The following SFI1 variants were observed in gnomAD, a reference collection of about 807,000 sequenced individuals.
The protein encoded by SFI1 is protein SFI1 homolog.
SFI1 carries 195 observed loss-of-function variants against 207.5 expected under a neutral mutation model. That is an observed-to-expected ratio of 0.94 (90% confidence interval 0.84 to 1.06). The LOEUF is 1.06. SFI1 is among the 50% of genes least tolerant of loss of function. The pLI, the probability that SFI1 is intolerant of heterozygous loss-of-function variation, is 0.00. For synonymous variants in SFI1, 630 were observed against 598.9 expected, an observed-to-expected ratio of 1.05 and a Z score of -0.76; for missense variants, 1,634 against 1,588.0, an observed-to-expected ratio of 1.03 and a Z score of -0.49.
rs973252404 is a variant in SFI1, at chr22:31,565,447, A to G, written c.765+4055A>G. The stretch of plus-strand genomic sequence containing the variant: ...TCACGGTGGCCTACACCTGAATACT[A>G]GGACTTTGGGAGGCCAAAATAAGAG... On this transcript the variant is annotated intron_variant, in intron 8 of 32. Coordinates refer to ENST00000400288, the MANE Select transcript of SFI1 (RefSeq NM_001007467.3). Among the ~76,000 whole-genome samples the G allele has an allele frequency of 6.6e-5, 10 of 151,490 alleles. No individual in the cohort carries two copies. In the East Asian group the frequency reaches 1.2e-3, roughly 18 times the overall value.
In SFI1 at chr22:31,604,328, C is replaced by CGGAG. The variant is rs1429242392; in HGVS notation, c.1902_1905dup (p.Arg636GlyfsTer67). On this transcript the variant is annotated frameshift_variant, in exon 19 of 33. Coordinates refer to ENST00000400288, the MANE Select transcript of SFI1 (RefSeq NM_001007467.3). LOFTEE classifies it high-confidence loss of function. ...CTGCAGTGCCTGGCCCTGCGGGGAG[C>CGGAG]GGAGCGGCAGAAGCTGATGCGAGCA... is the stretch of plus-strand genomic sequence containing the variant. The CGGAG allele has an allele frequency of 1.0e-5, 16 of 1,578,660 alleles. No homozygotes were observed. The highest frequency in any genetic ancestry group is 1.7e-4 in the Middle Eastern group (1 of 5,880).
intron 1 of SFI1, among the ~76,000 whole-genome samples, chr22:31,499,374 T>C (rs2053326918): frequency 6.6e-6 from 1 of 151,864 alleles, no homozygotes; most frequent in African/African-American, 2.4e-5. Flanking sequence ...TTTTGTATTT[T>C]TAGTAGAGAC....
intron 29 of SFI1, 182 bp downstream of exon 29, chr22:31,615,461 C>T (rs1194931782): frequency 4.2e-6 from 2 of 474,004 alleles, no homozygotes; most frequent in East Asian, 3.3e-5. Flanking sequence ...AGTGAACAGC[C>T]AGCCAAGGGC....
chr22:31,548,001 T>C (rs1602500856), intron 5 of SFI1, among the ~76,000 whole-genome samples: 1 of 150,372 alleles, frequency 6.7e-6, no homozygotes, highest in East Asian at 2.0e-4. Context: ...GATCACGAGG[T>C]CAGGAGATCG....
At chr22:31,512,126 C>T (rs1035652354) in intron 2 of SFI1, among the ~76,000 whole-genome samples, 5 of 152,028 alleles carry the variant, frequency 3.3e-5, no homozygotes, top group Non-Finnish European at 5.9e-5. Context: ...GAGGCCGAGG[C>T]GGGCAGATCA....
In SFI1 at chr22:31,575,301, G is replaced by A. The variant is rs769476632; in HGVS notation, c.993G>A (p.Glu331=). 5.6e-6 allele frequency: 9 copies of A among 1,613,272 alleles called. No individual in the cohort carries two copies. In the South Asian group the frequency reaches 7.7e-5, roughly 14 times the overall value. The change falls in exon 10 of 33, where the codon GAG becomes GAA. Residue 331 remains glutamate, a synonymous_variant. Coordinates refer to ENST00000400288, the MANE Select transcript of SFI1 (RefSeq NM_001007467.3). ...IYFCDWQQAW[E]RRESLYAHHA... ...TCTGTGACTGGCAGCAGGCCTGGGAGCGGAGGGAGAGCTTGTACGCTCACC... is the reference window on the plus strand; with the variant it reads ...TCTGTGACTGGCAGCAGGCCTGGGAACGGAGGGAGAGCTTGTACGCTCACC...
chr22:31,599,712 G>A (rs966041673), intron 15 of SFI1, among the ~76,000 whole-genome samples: 1 of 152,038 alleles, frequency 6.6e-6, no homozygotes, highest in Non-Finnish European at 1.5e-5. Context: ...CTGGGGTCAA[G>A]TGATCCTCCT....
intron 12 of SFI1, among the ~76,000 whole-genome samples, chr22:31,582,244 T>TTTA (rs2064403876): frequency 2.1e-5 from 1 of 46,734 alleles, no homozygotes; most frequent in South Asian, 9.7e-4. Flanking sequence ...ATATTTTTTT[T>TTTA]TTTTTTTTTT....
intron 15 of SFI1, among the ~76,000 whole-genome samples, chr22:31,599,094 A>G (rs535849402): frequency 4.2e-4 from 63 of 149,276 alleles, no homozygotes; most frequent in Admixed American, 2.4e-3. Flanking sequence ...GCCCGGCCCA[A>G]TTTATCCTTT....
At chr22:31,546,350 G>C (rs1161676432) in intron 4 of SFI1, among the ~76,000 whole-genome samples, 1 of 151,204 alleles carries the variant, frequency 6.6e-6, no homozygotes, top group Non-Finnish European at 1.5e-5. Context: ...TTTTTTCTTT[G>C]AGAGGGAGTC....
chr22:31,551,852 C>A (rs1261485930), intron 6 of SFI1, among the ~76,000 whole-genome samples: 1 of 152,156 alleles, frequency 6.6e-6, no homozygotes, highest in African/African-American at 2.4e-5. Context: ...TTTGTATTGT[C>A]ATTAAAATTT....
In SFI1 at chr22:31,611,201, G is replaced by C. The variant is rs1412085193; in HGVS notation, c.2313G>C (p.Gln771His). The change falls in exon 23 of 33, where the codon CAG (glutamine) becomes CAC (histidine). Residue 771 changes from glutamine (Q) to histidine (H), a missense_variant. By Grantham distance (24) the Gln-to-His change is conservative (BLOSUM62 0). Transcript: ENST00000400288. ...ACTGCAGCCGGAGGTCAGCCCAGCA[G>C]AGACTGCAGCTGGAGAGGGCAGTGC... ...WWDCSRRSAQQRLQLERAVQH... is the reference protein window; with the variant it reads ...WWDCSRRSAQHRLQLERAVQH... The C allele has an allele frequency of 1.9e-6, 3 of 1,614,108 alleles. No individual in the cohort carries two copies. The South Asian group carries it at 3.3e-5, about 18-fold the overall frequency.
chr22:31,496,700 C>T (rs992386478), intron 1 of SFI1, 63 bp downstream of exon 1: 2 of 152,254 alleles, frequency 1.3e-5, no homozygotes, highest in Non-Finnish European at 2.9e-5. Context: ...GCAGTGAGCC[C>T]GGCAAGGACC....
intron 2 of SFI1, among the ~76,000 whole-genome samples, chr22:31,517,082 C>T (rs973163813): frequency 5.9e-5 from 9 of 151,424 alleles, no homozygotes; most frequent in Admixed American, 4.0e-4. Context: ...TGCAGTGAGC[C>T]GAGATGGTGC....
At chr22:31,573,259 A>G in intron 9 of SFI1, 45 bp downstream of exon 9, 1 of 1,599,166 alleles carries the variant, frequency 6.3e-7, no homozygotes, top group Non-Finnish European at 8.5e-7. Flanking sequence ...ATCTGGTCAC[A>G]GTTTCACTCT....
intron 1 of SFI1, among the ~76,000 whole-genome samples, chr22:31,499,659 A>C (rs1282250266): frequency 6.6e-6 from 1 of 152,200 alleles, no homozygotes; most frequent in Non-Finnish European, 1.5e-5. Flanking sequence ...ATTACATGCT[A>C]TAGAGAAATC....
rs562537401 is a variant in SFI1, at chr22:31,583,206, C to T, written c.1249-669C>T. ...TCGGCTCACTGCAACCTCCACCTCCCGGGTTTAAGCGATTCTCCTGCCTCA... is the reference window on the plus strand; with the variant it reads ...TCGGCTCACTGCAACCTCCACCTCCTGGGTTTAAGCGATTCTCCTGCCTCA... On this transcript the variant is annotated intron_variant, in intron 12 of 32. Transcript: ENST00000400288. 5.3e-5 allele frequency among the ~76,000 whole-genome samples: 8 copies of T among 152,266 alleles called. No homozygotes were observed. The East Asian group carries it at 5.8e-4, about 11-fold the overall frequency.
At chr22:31,512,355 CAA>C (rs1215817231) in intron 2 of SFI1, among the ~76,000 whole-genome samples, 9 of 97,542 alleles carry the variant, frequency 9.2e-5, no homozygotes, top group Non-Finnish European at 1.5e-4. Flanking sequence ...AACTCCATCT[CAA>C]AAAAAAAAAA....
chr22:31,614,538 A>AC (rs1171228796), intron 27 of SFI1: 1 of 675,620 alleles, frequency 1.5e-6, no homozygotes, highest in Non-Finnish European at 2.7e-6. Flanking sequence ...CGACCTGTAC[A>AC]CCAGCGTCAC....
Sources: gnomAD v4.1 joint callset for allele counts (sites outside exome capture counted in the v4.1 genomes callset) on GRCh38, gnomAD v4.1.1 for gene constraint, MANE v1.5 for transcripts, NCBI Gene and HGNC (gene_info 2026-07-23, HGNC 2026-07-21) for gene names.